FSIP1: variants seen among roughly 807,000 people sequenced by gnomAD.
FSIP1 encodes fibrous sheath interacting protein 1.
A neutral mutation model predicts 60.9 loss-of-function variants in FSIP1; 65 were observed. The observed-to-expected ratio is 1.07, with a 90% CI of 0.87 to 1.31. FSIP1 has a LOEUF of 1.31. Ranked by LOEUF, FSIP1 falls within the 40% of genes most tolerant of loss-of-function variation. The pLI, the probability that FSIP1 is intolerant of heterozygous loss-of-function variation, is 0.00. For synonymous variants in FSIP1, 209 were observed against 221.2 expected (o/e 0.94, Z 0.49); for missense variants, 675 against 665.5 (o/e 1.01, Z -0.16).
intron 10 of FSIP1, among the ~76,000 whole-genome samples, chr15:39,643,691 T>TA (rs910905907): frequency 6.6e-6 from 1 of 152,180 alleles, no homozygotes; most frequent in African/African-American, 2.4e-5. Flanking sequence ...TTTCTTTTTG[T>TA]AAAAAAACAG....
At chr15:39,620,000 G>A (rs1891384068) in intron 10 of FSIP1, among the ~76,000 whole-genome samples, 1 of 152,054 alleles carries the variant, frequency 6.6e-6, no homozygotes, top group Non-Finnish European at 1.5e-5. Flanking sequence ...TTCTGATGAT[G>A]TATTTGGCTA....
rs60426144 is a variant in FSIP1 at position 39,707,257 on chromosome 15, C to T, written c.1188+6187G>A. Reference sequence around the variant, plus strand: ...CTCCATTTCGCAGCAGGGTTTCCAACCTCCCCTGGGCTACCTGATTGTTTA... The same window carrying T: ...CTCCATTTCGCAGCAGGGTTTCCAATCTCCCCTGGGCTACCTGATTGTTTA... On this transcript the variant is annotated intron_variant, in intron 10 of 11. Transcript: ENST00000350221. Among the ~76,000 whole-genome samples the T allele has an allele frequency of 7.7e-3, 1,173 of 152,280 alleles. 56 individuals carry two copies. Among genetic ancestry groups the T allele is most frequent in the East Asian group, 3.9e-3 (20 of 5,182 alleles).
chr15:39,770,816 T>C (rs1305561079), intron 2 of FSIP1, among the ~76,000 whole-genome samples: 1 of 152,250 alleles, frequency 6.6e-6, no homozygotes, highest in African/African-American at 2.4e-5. Flanking sequence ...TGCACCATTC[T>C]CCAGCAATCC....
intron 10 of FSIP1, among the ~76,000 whole-genome samples, chr15:39,643,554 G>A (rs948994815): frequency 6.6e-6 from 1 of 152,150 alleles, no homozygotes; most frequent in Non-Finnish European, 1.5e-5. Context: ...AATATAGAGT[G>A]TTTTCTGATC....
At chr15:39,624,557 G>A (rs34316620) in intron 10 of FSIP1, among the ~76,000 whole-genome samples, 32,845 of 152,158 alleles carry the variant, frequency 0.22, 4,610 homozygotes, top group Non-Finnish European at 0.31. Flanking sequence ...AATAATTGGT[G>A]TTCATTTTAA....
intron 11 of FSIP1, among the ~76,000 whole-genome samples, chr15:39,609,827 G>A (rs1890961178): frequency 1.3e-5 from 2 of 152,348 alleles, no homozygotes; most frequent in South Asian, 4.1e-4. Flanking sequence ...CTAGTGATCT[G>A]TCTCATCAGA....
At chr15:39,755,967 T>C (rs1897288414) in intron 5 of FSIP1, among the ~76,000 whole-genome samples, 1 of 152,062 alleles carries the variant, frequency 6.6e-6, no homozygotes, top group African/African-American at 2.4e-5. Context: ...GTAAAAGAGT[T>C]TTGATTTTTG....
At chr15:39,631,197 C>A (rs1483193313) in intron 10 of FSIP1, among the ~76,000 whole-genome samples, 5 of 152,194 alleles carry the variant, frequency 3.3e-5, no homozygotes, top group Admixed American at 3.3e-4. Flanking sequence ...GACATCGCAC[C>A]CCTAAAAACT....
intron 10 of FSIP1, among the ~76,000 whole-genome samples, chr15:39,629,567 C>T (rs566146358): frequency 6.6e-6 from 1 of 152,324 alleles, no homozygotes; most frequent in South Asian, 2.1e-4. Context: ...CCCTCTCTGC[C>T]TGCGCACACC....
At chr15:39,672,541 T>C (rs896135681) in intron 10 of FSIP1, among the ~76,000 whole-genome samples, 10 of 152,176 alleles carry the variant, frequency 6.6e-5, no homozygotes, top group Non-Finnish European at 1.5e-4. Flanking sequence ...GCACCTTGAG[T>C]ACACTCAAGG....
At chr15:39,674,598 T>C (rs1893864571) in intron 10 of FSIP1, among the ~76,000 whole-genome samples, 1 of 151,508 alleles carries the variant, frequency 6.6e-6, no homozygotes. Flanking sequence ...CCCACACATA[T>C]GCATAACTTT....
At chr15:39,689,739 T>A (rs1894521236) in intron 10 of FSIP1, among the ~76,000 whole-genome samples, 1 of 152,264 alleles carries the variant, frequency 6.6e-6, no homozygotes, top group Non-Finnish European at 1.5e-5. Flanking sequence ...CAAATTACTG[T>A]ATTTATAATA....
intron 10 of FSIP1, among the ~76,000 whole-genome samples, chr15:39,687,067 C>T (rs1281212188): frequency 6.6e-6 from 1 of 151,516 alleles, no homozygotes; most frequent in African/African-American, 2.4e-5. Flanking sequence ...GCTTTGCAGC[C>T]TCTTACTCAA....
intron 5 of FSIP1, among the ~76,000 whole-genome samples, chr15:39,750,544 G>A (rs1478217292): frequency 6.6e-6 from 1 of 151,874 alleles, no homozygotes; most frequent in Admixed American, 6.6e-5. Flanking sequence ...GGAAAAGGTA[G>A]TCTCTTCAAT....
At chr15:39,761,775 A>T (rs528631784) in intron 5 of FSIP1, among the ~76,000 whole-genome samples, 3 of 152,388 alleles carry the variant, frequency 2.0e-5, no homozygotes, top group African/African-American at 7.2e-5. Flanking sequence ...TAGGCGAATT[A>T]GCTTGATTTA....
intron 10 of FSIP1, among the ~76,000 whole-genome samples, chr15:39,634,775 C>A (rs568589847): frequency 1.3e-5 from 2 of 152,176 alleles, no homozygotes; most frequent in Non-Finnish European, 1.5e-5. Context: ...CACTGTCATG[C>A]GGACGCCATG....
rs944057730 is a variant in FSIP1, at chr15:39,741,750, A to G, written c.655+55T>C. ...TTATTTCATTTATGAATATTTCTGT[A>G]TACAGCCAGTATTCCCTTGTGAAAA... On this transcript the variant is annotated intron_variant, in intron 6 of 11. Coordinates refer to ENST00000350221, the MANE Select transcript of FSIP1 (RefSeq NM_152597.5). The G allele has an allele frequency of 7.0e-6, 6 of 858,846 alleles. No individual in the cohort carries two copies. In the African/African-American group the frequency reaches 1.0e-4, roughly 14 times the overall value. The allele number at this position is 858,846 out of a possible 1,614,324, so 53.2% of individuals were successfully genotyped here.
At position 39,692,752 on chromosome 15, in the gene FSIP1, AAAAG is replaced by A. The variant is rs369928480; in HGVS notation, c.1188+20688_1188+20691del. Among the ~76,000 whole-genome samples, 945 of 152,148 alleles carry A rather than the reference AAAAG, an allele frequency of 6.2e-3. 8 individuals are homozygous for A. The highest frequency in any genetic ancestry group is 0.014 in the African/African-American group (586 of 41,568). On this transcript the variant is annotated intron_variant, in intron 10 of 11. Transcript: ENST00000350221. The stretch of plus-strand genomic sequence containing the variant: ...GAGAGAAGACCCTAGGTTTAAAAAA[AAAAG>A]AAAGAAAGAAAGAAAGAAAAGAAGA...
At chr15:39,767,354 T>G (rs928270053) in intron 3 of FSIP1, among the ~76,000 whole-genome samples, 1 of 152,190 alleles carries the variant, frequency 6.6e-6, no homozygotes, top group Non-Finnish European at 1.5e-5. Context: ...AAGTAACTCA[T>G]GCAGTACTAA....
Sources: allele counts gnomAD v4.1 joint callset (sites outside exome capture counted in the v4.1 genomes callset), GRCh38; gene constraint gnomAD v4.1.1; transcripts MANE v1.5; gene names NCBI Gene and HGNC (gene_info 2026-07-23, HGNC 2026-07-21).